The following AK7 variants were observed in gnomAD, a reference collection of about 807,000 sequenced individuals.
AK7 encodes ATP-AMP transphosphorylase 7.
In AK7, 78 loss-of-function variants were observed where a neutral mutation model predicts 96.6. The observed-to-expected ratio is 0.81, with a 90% CI of 0.67 to 0.97. The LOEUF (loss-of-function observed/expected upper bound fraction) is 0.97, where lower values mean the gene tolerates loss of function less well. AK7 is among the 50% of genes least tolerant of loss of function. The probability of loss-of-function intolerance (pLI) is 0.00; values close to 1 mark genes in which losing one functional copy is unlikely to be tolerated. For missense variants in AK7, 855 were observed against 887.9 expected (o/e 0.96, Z 0.47); for synonymous variants, 302 against 317.2 (o/e 0.95, Z 0.51).
chr14:96,403,037 A>G (rs1174093898), intron 2 of AK7, among the ~76,000 whole-genome samples: 1 of 151,808 alleles, frequency 6.6e-6, no homozygotes, highest in East Asian at 1.9e-4. Context: ...AATTGCTTGA[A>G]TCTGGGAGGT....
In AK7 at chr14:96,483,180, C is replaced by T. The variant is rs776235595; in HGVS notation, c.1935C>T (p.Ala645=). Residue 645 remains alanine (A), a synonymous_variant, in exon 16 of 18, where the codon GCC becomes GCT. Transcript: ENST00000267584. ...AAGCAGAACGCGAGCACCAGGAGGC[C>T]GTGGAGATGGCAGAGAAGATAGCTC... ...AEEAEREHQE[A]VEMAEKIARW... The T allele has an allele frequency of 5.0e-6, 8 of 1,611,754 alleles. No individual in the cohort carries two copies. Among genetic ancestry groups the T allele is most frequent in the East Asian group, 4.5e-5 (2 of 44,836 alleles).
At chr14:96,472,809 T>C (rs1566808365) in intron 14 of AK7, 54 bp downstream of exon 14, 12 of 1,496,062 alleles carry the variant, frequency 8.0e-6, no homozygotes, top group African/African-American at 1.4e-5. Flanking sequence ...GGGCTGGGCG[T>C]GGTGGCTCAC....
At chr14:96,394,980 A>AG (rs1480772115) in intron 1 of AK7, among the ~76,000 whole-genome samples, 2 of 152,232 alleles carry the variant, frequency 1.3e-5, no homozygotes, top group Non-Finnish European at 2.9e-5. Context: ...TGCCAAAAAA[A>AG]GAGATACAGA....
chr14:96,433,401 T>C (rs913420798), intron 5 of AK7, among the ~76,000 whole-genome samples: 4 of 152,188 alleles, frequency 2.6e-5, no homozygotes, highest in African/African-American at 9.7e-5. Flanking sequence ...ACTTCTCTTC[T>C]CACTTCATTT....
intron 4 of AK7, among the ~76,000 whole-genome samples, chr14:96,414,200 A>G (rs1283618293): frequency 1.3e-5 from 2 of 152,246 alleles, no homozygotes; most frequent in African/African-American, 4.8e-5. Flanking sequence ...AACGCCTTCC[A>G]GAATTACCTC....
At chr14:96,407,576 T>TTTC (rs1566762569) in intron 3 of AK7, among the ~76,000 whole-genome samples, 3 of 44,342 alleles carry the variant, frequency 6.8e-5, no homozygotes, top group Non-Finnish European at 1.6e-4. Context: ...TCTTTCTTTC[T>TTTC]TTTCTTTTTT....
chr14:96,433,275 G>T (rs1343562303), intron 5 of AK7, among the ~76,000 whole-genome samples: 1 of 152,122 alleles, frequency 6.6e-6, no homozygotes, highest in Non-Finnish European at 1.5e-5. Context: ...TTTCCAGTTT[G>T]GTTCCATTCT....
chr14:96,469,682 A>G (rs982403108), intron 12 of AK7, among the ~76,000 whole-genome samples: 15 of 152,216 alleles, frequency 9.9e-5, no homozygotes, highest in African/African-American at 3.4e-4. Flanking sequence ...TATGTTAAAT[A>G]ATACTTAAGA....
chr14:96,418,694 T>A (rs1304507173), intron 4 of AK7, among the ~76,000 whole-genome samples: 1 of 152,096 alleles, frequency 6.6e-6, no homozygotes, highest in Non-Finnish European at 1.5e-5. Flanking sequence ...AATTTATGTA[T>A]TTTTAGTAGA....
intron 3 of AK7, 49 bp from the exon 4 acceptor site, chr14:96,408,798 C>A: frequency 6.3e-7 from 1 of 1,583,602 alleles, no homozygotes; most frequent in Non-Finnish European, 8.7e-7. Flanking sequence ...GATTTAGAAA[C>A]CAAGTTGTGC....
Position 96,442,721 on chromosome 14 carries a change from T to TC in AK7, c.691-7dup, listed in dbSNP as rs1435525762. On this transcript the variant is annotated splice_polypyrimidine_tract_variant and intron_variant, in intron 6 of 17. Coordinates refer to ENST00000267584, the MANE Select transcript of AK7 (RefSeq NM_152327.5). ...CTGGGGGACATGATTTTGCTTTTCT[T>TC]CCTTTCAGATGGCTTGGTTGGGCGA... 6.2e-7 allele frequency: 1 copy of TC among 1,613,396 alleles called. No individual in the cohort carries two copies. Among genetic ancestry groups the TC allele is most frequent in the Non-Finnish European group, 8.5e-7 (1 of 1,179,390 alleles).
intron 12 of AK7, among the ~76,000 whole-genome samples, chr14:96,467,038 C>T (rs901778822): frequency 9.8e-5 from 10 of 101,888 alleles, no homozygotes; most frequent in Non-Finnish European, 5.8e-5. Context: ...TAAGTGTAGA[C>T]GAATATGTAA....
At position 96,392,160 on chromosome 14, in the gene AK7, TGAA is replaced by T. The variant is rs955654043; in HGVS notation, c.12_14del (p.Glu6del). On this transcript the variant is annotated inframe_deletion, in exon 1 of 18. Coordinates refer to ENST00000267584, the MANE Select transcript of AK7 (RefSeq NM_152327.5). ...CAACCAGCGCGGCTCCCACCATGGC[TGAA>T]GAAGAGGAAACTGCTGCTCTCACGG... is the stretch of plus-strand genomic sequence containing the variant. 1 of 1,612,810 alleles carries T rather than the reference TGAA, an allele frequency of 6.2e-7. No homozygotes were observed. Among genetic ancestry groups the T allele is most frequent in the Non-Finnish European group, 8.5e-7 (1 of 1,178,944 alleles).
chr14:96,447,964 A>G (rs555223317), intron 8 of AK7, among the ~76,000 whole-genome samples: 90 of 151,390 alleles, frequency 5.9e-4, no homozygotes, highest in African/African-American at 1.9e-3. Context: ...ATCTCTACCA[A>G]AAAAAAATAT....
chr14:96,476,297 G>A (rs1488838882), intron 14 of AK7, among the ~76,000 whole-genome samples: 2 of 152,158 alleles, frequency 1.3e-5, no homozygotes, highest in Non-Finnish European at 2.9e-5. Flanking sequence ...CCTGAGGTCA[G>A]GAGTTCAAGA....
chr14:96,461,562 G>A (rs1381382429), intron 12 of AK7, among the ~76,000 whole-genome samples: 2 of 152,034 alleles, frequency 1.3e-5, no homozygotes, highest in Admixed American at 1.3e-4. Flanking sequence ...AGGCTAACAG[G>A]ACTCAGCAAA....
intron 4 of AK7, among the ~76,000 whole-genome samples, chr14:96,412,232 T>C (rs1287607246): frequency 4.7e-5 from 7 of 148,282 alleles, no homozygotes; most frequent in South Asian, 2.1e-4. Context: ...CTTTCTTTTT[T>C]TTTTTTTTTT....
chr14:96,430,700 C>T (rs999490054), intron 5 of AK7, among the ~76,000 whole-genome samples: 6 of 151,972 alleles, frequency 3.9e-5, no homozygotes, highest in Non-Finnish European at 8.8e-5. Flanking sequence ...ATTTTCATAT[C>T]GATGTTCATC....
chr14:96,435,711 G>A (rs1042132966), intron 5 of AK7, among the ~76,000 whole-genome samples: 4 of 152,138 alleles, frequency 2.6e-5, no homozygotes, highest in African/African-American at 4.8e-5. Context: ...CTTAAATTAC[G>A]ACCGCTGATA....
Sources: gnomAD v4.1 joint callset for allele counts (sites outside exome capture counted in the v4.1 genomes callset) on GRCh38, gnomAD v4.1.1 for gene constraint, MANE v1.5 for transcripts, NCBI Gene and HGNC (gene_info 2026-07-23, HGNC 2026-07-21) for gene names.